Variants in OSBPL9 observed in about 807,000 individuals in gnomAD.
The protein encoded by OSBPL9 is oxysterol-binding protein-related protein 9.
OSBPL9 carries 40 observed loss-of-function variants against 106.6 expected under a neutral mutation model. The observed-to-expected ratio is 0.38, with a 90% CI of 0.29 to 0.49. The LOEUF is 0.49. Ranked by LOEUF, OSBPL9 falls within the 20% of genes least tolerant of loss-of-function variation. OSBPL9 has a pLI of 0.97. For synonymous variants in OSBPL9, 269 were observed against 295.4 expected, an observed-to-expected ratio of 0.91 and a Z score of 0.92; for missense variants, 609 against 887.2, an observed-to-expected ratio of 0.69 and a Z score of 3.98.
At chr1:51,607,405 GC>G (rs1643956368) in intron 2 of OSBPL9, among the ~76,000 whole-genome samples, 1 of 151,992 alleles carries the variant, frequency 6.6e-6, no homozygotes, top group Non-Finnish European at 1.5e-5. Context: ...CAAGTGATCT[GC>G]CCGGCTCAGC....
At chr1:51,573,212 C>CAA (rs5774102), upstream of OSBPL9, among the ~76,000 whole-genome samples, 1 of 118,578 alleles carries the variant, frequency 8.4e-6, no homozygotes, top group East Asian at 2.4e-4. Flanking sequence ...ACTCCATCTC[C>CAA]AAAAAAAAAA....
intron 7 of OSBPL9, 121 bp from the exon 8 acceptor site, chr1:51,750,024 T>C (rs1332390615): frequency 5.7e-6 from 3 of 529,842 alleles, no homozygotes; most frequent in African/African-American, 4.0e-5. Context: ...AAAGAGGATA[T>C]TTCTTGTGTA....
intron 1 of OSBPL9, among the ~76,000 whole-genome samples, chr1:51,580,496 A>G (rs1349035359): frequency 6.6e-6 from 1 of 152,178 alleles, no homozygotes; most frequent in African/African-American, 2.4e-5. Context: ...CTAATCAGCT[A>G]TACCCTAGAA....
the OSBPL9 span, among the ~76,000 whole-genome samples, chr1:51,537,877 T>C: frequency 6.6e-6 from 1 of 152,276 alleles, no homozygotes; most frequent in South Asian, 2.1e-4. Flanking sequence ...TCATTACTGA[T>C]ACTTTAATTC....
At chr1:51,579,485 A>G (rs1233906925) in intron 1 of OSBPL9, among the ~76,000 whole-genome samples, 1 of 152,160 alleles carries the variant, frequency 6.6e-6, no homozygotes, top group East Asian at 1.9e-4. Context: ...CCTTTATTCC[A>G]CATAATCAGA....
chr1:51,659,751 A>G (rs1337185969), intron 2 of OSBPL9, among the ~76,000 whole-genome samples: 1 of 152,264 alleles, frequency 6.6e-6, no homozygotes, highest in Non-Finnish European at 1.5e-5. Flanking sequence ...ACATTTTGCC[A>G]ATAAATTTGA....
In OSBPL9 at chr1:51,577,702, A is replaced by G. The variant is rs560898702; in HGVS notation, c.-423+446A>G. On this transcript the variant is annotated intron_variant, in intron 1 of 25. Coordinates refer to the OSBPL9 transcript ENST00000371714. ...AACCATAGCTACTGTTTAGAACTGT[A>G]TGTCAGGCATTGTGCTGAGTACTTT... Among the ~76,000 whole-genome samples, 3 of 152,366 alleles carry G rather than the reference A, an allele frequency of 2.0e-5. No individual in the cohort carries two copies. The South Asian group carries it at 6.2e-4, about 32-fold the overall frequency.
At chr1:51,604,283 C>T (rs889855682) in intron 2 of OSBPL9, among the ~76,000 whole-genome samples, 2 of 152,116 alleles carry the variant, frequency 1.3e-5, no homozygotes, top group South Asian at 2.1e-4. Context: ...GGGCTGGGTG[C>T]GGTGGCTCAC....
At chr1:51,573,311 T>G (rs1645162713), upstream of OSBPL9, among the ~76,000 whole-genome samples, 1 of 150,858 alleles carries the variant, frequency 6.6e-6, no homozygotes, top group Non-Finnish European at 1.5e-5. Context: ...GAGTTTGAGA[T>G]GAGCCTGACC....
chr1:51,624,572 G>T (rs1398220783), intron 1 of OSBPL9, among the ~76,000 whole-genome samples: 1 of 151,952 alleles, frequency 6.6e-6, no homozygotes, highest in Non-Finnish European at 1.5e-5. Flanking sequence ...GTGACAGAGT[G>T]AGACTCTGTC....
chr1:51,562,406 G>A, the OSBPL9 span, among the ~76,000 whole-genome samples: 2 of 152,108 alleles, frequency 1.3e-5, no homozygotes, highest in Non-Finnish European at 2.9e-5. Context: ...AGCTGATGCT[G>A]CCATGCTTTC....
intron 4 of OSBPL9, among the ~76,000 whole-genome samples, chr1:51,730,791 T>C (rs1438836409): frequency 6.6e-6 from 1 of 152,250 alleles, no homozygotes; most frequent in Non-Finnish European, 1.5e-5. Context: ...TTAAACTGTT[T>C]ACTTTTAGCT....
intron 3 of OSBPL9, among the ~76,000 whole-genome samples, chr1:51,694,314 T>G (rs1447934904): frequency 6.6e-6 from 1 of 152,192 alleles, no homozygotes; most frequent in Non-Finnish European, 1.5e-5. Flanking sequence ...GCAATTCTCT[T>G]TAACGTCTGA....
At chr1:51,782,180 C>T (rs1056234430) in intron 16 of OSBPL9, among the ~76,000 whole-genome samples, 1 of 152,110 alleles carries the variant, frequency 6.6e-6, no homozygotes, top group Non-Finnish European at 1.5e-5. Flanking sequence ...AAAACCATAG[C>T]CCACAGCACC....
At chr1:51,770,914 G>C (rs1673722959) in intron 12 of OSBPL9, among the ~76,000 whole-genome samples, 1 of 152,068 alleles carries the variant, frequency 6.6e-6, no homozygotes, top group Admixed American at 6.6e-5. Flanking sequence ...TATCAAAACC[G>C]ATAGAACAGG....
At chr1:51,597,854 T>C (rs1645310806) in intron 1 of OSBPL9, among the ~76,000 whole-genome samples, 1 of 152,198 alleles carries the variant, frequency 6.6e-6, no homozygotes, top group South Asian at 2.1e-4. Context: ...AATCACCTAC[T>C]ATGTGCAGGG....
At chr1:51,571,751 C>T in the OSBPL9 span, among the ~76,000 whole-genome samples, 1 of 152,168 alleles carries the variant, frequency 6.6e-6, no homozygotes, top group African/African-American at 2.4e-5. Context: ...GAAGACTTCA[C>T]GGAGGAGGGC....
chr1:51,552,982 C>T, the OSBPL9 span, among the ~76,000 whole-genome samples: 1 of 150,740 alleles, frequency 6.6e-6, no homozygotes, highest in East Asian at 1.9e-4. Context: ...AAAAAACAAA[C>T]TTTTTTTTGT....
At chr1:51,783,681 CT>C (rs1474063306) in intron 17 of OSBPL9, among the ~76,000 whole-genome samples, 1 of 152,202 alleles carries the variant, frequency 6.6e-6, no homozygotes, top group Non-Finnish European at 1.5e-5. Flanking sequence ...TGGTTTTAAG[CT>C]TCCTGGGTTG....
Sources: allele counts gnomAD v4.1 joint callset (sites outside exome capture counted in the v4.1 genomes callset), GRCh38; gene constraint gnomAD v4.1.1; transcripts MANE v1.5; gene names NCBI Gene and HGNC (gene_info 2026-07-23, HGNC 2026-07-21).